Variants in WDR38 observed in about 807,000 individuals in gnomAD.
WDR38 encodes the protein WD repeat domain 38.
A neutral mutation model predicts 36.6 loss-of-function variants in WDR38; 37 were observed. The ratio of observed to expected loss-of-function variants is 1.01; its 90% CI spans 0.78 to 1.33. The LOEUF (loss-of-function observed/expected upper bound fraction) is 1.33. Ranked by LOEUF, WDR38 falls within the 40% of genes most tolerant of loss-of-function variation. WDR38 has a pLI of 0.00. For synonymous variants in WDR38, 164 were observed against 168.1 expected (o/e 0.98, Z 0.19); for missense variants, 411 against 414.6 (o/e 0.99, Z 0.07).
At position 124,853,498 on chromosome 9, in the gene WDR38, G is replaced by A. The variant is rs1016618551; in HGVS notation, c.-34G>A. On this transcript the variant is annotated 5_prime_UTR_variant, in exon 1 of 9. Coordinates refer to ENST00000373574, the MANE Select transcript of WDR38 (RefSeq NM_001045476.3). ...CTGGGGTCCCGCGGCCGCCTAGGAG[G>A]GAGCCCGCCGGGGCGGGGCGGGGCC... 4.9e-6 allele frequency: 6 copies of A among 1,236,890 alleles called. No individual in the cohort carries two copies. The highest frequency in any genetic ancestry group is 6.1e-6 in the Non-Finnish European group (6 of 982,132). 76.6% of individuals were successfully genotyped at this position (1,236,890 alleles called of 1,614,324 possible). A position where few individuals can be genotyped will look rare whatever the true frequency, so the allele number is the denominator to read the frequency against.
chr9:124,855,905 A>G lies in WDR38; in HGVS notation c.352A>G (p.Arg118Gly). ...GACGGTCAGCTTCAGCCCTGACTCG[A>G]GACAGCTGGCATCAGGTGGCTGGGA... is the stretch of plus-strand genomic sequence containing the variant. ...VETVSFSPDSRQLASGGWDKR... is the reference protein window; with the variant it reads ...VETVSFSPDSGQLASGGWDKR... The change falls in exon 4 of 9, where the codon AGA becomes GGA. Residue 118 changes from arginine to glycine, a missense_variant. Arg to Gly is a moderately radical substitution (Grantham distance 125, BLOSUM62 -2). Coordinates refer to ENST00000373574, the MANE Select transcript of WDR38 (RefSeq NM_001045476.3). 1 of 1,614,080 alleles carries G rather than the reference A, an allele frequency of 6.2e-7. No individual in the cohort carries two copies. Among genetic ancestry groups the G allele is most frequent in the African/African-American group, 1.3e-5 (1 of 75,048 alleles).
rs202118638 is a variant in WDR38, at chr9:124,856,274, G to A, written c.440G>A (p.Arg147His). The change falls in exon 5 of 9, where the codon CGT becomes CAT. Residue 147 changes from arginine to histidine, a missense_variant. By Grantham distance (29) the Arg-to-His change is conservative (BLOSUM62 0). Transcript: ENST00000373574. ...ATGCTGCGCCTCTTAGTTGGGCACCGTGACTCCATCCAGAGCAGCGACTTC... is the reference window on the plus strand; with the variant it reads ...ATGCTGCGCCTCTTAGTTGGGCACCATGACTCCATCCAGAGCAGCGACTTC... ...GQMLRLLVGH[R>H]DSIQSSDFSP... is the part of the protein sequence containing the mutation. The A allele has an allele frequency of 8.1e-5, 131 of 1,614,192 alleles. No homozygotes were observed. Among genetic ancestry groups the A allele is most frequent in the East Asian group, 6.0e-4 (27 of 44,888 alleles).
In WDR38 at chr9:124,856,492, C is replaced by T. The variant is rs571975421; in HGVS notation, c.510C>T (p.Thr170=). 90 of 1,612,082 alleles carry T rather than the reference C, an allele frequency of 5.6e-5. No individual in the cohort carries two copies. In the South Asian group the frequency reaches 7.8e-4, roughly 14 times the overall value. The change falls in exon 6 of 9, where the codon ACC becomes ACT. Residue 170 remains threonine, a synonymous_variant. Coordinates refer to ENST00000373574, the MANE Select transcript of WDR38 (RefSeq NM_001045476.3). ...AGGCCACCGGCTCCTGGGACTCCAC[C>T]GTACACATCTGGGACCTGCGGATGG... ...NCLATGSWDS[T]VHIWDLRMVT...
Position 124,856,459 on chromosome 9 carries a change from C to T in WDR38, c.487-10C>T. On this transcript the variant is annotated splice_polypyrimidine_tract_variant and intron_variant, in intron 5 of 8. Coordinates refer to ENST00000373574, the MANE Select transcript of WDR38 (RefSeq NM_001045476.3). Reference sequence around the variant, plus strand: ...GCTGGCTGGGCCAGACTCACAGAAGCTGCCTGCAGGCCACCGGCTCCTGGG... The same window carrying T: ...GCTGGCTGGGCCAGACTCACAGAAGTTGCCTGCAGGCCACCGGCTCCTGGG... 1 of 1,612,260 alleles carries T rather than the reference C, an allele frequency of 6.2e-7. No individual in the cohort carries two copies. Among genetic ancestry groups the T allele is most frequent in the Non-Finnish European group, 8.5e-7 (1 of 1,179,302 alleles).
intron 2 of WDR38, 92 bp downstream of exon 2, chr9:124,854,417 G>A (rs532064158): frequency 1.4e-5 from 22 of 1,582,158 alleles, no homozygotes; most frequent in African/African-American, 9.4e-5. Context: ...AGCTGGGCAC[G>A]GGTGCAAGGC....
At chr9:124,857,135 C>T (rs1361219683) in intron 7 of WDR38, among the ~76,000 whole-genome samples, 7 of 152,222 alleles carry the variant, frequency 4.6e-5, no homozygotes, top group Non-Finnish European at 7.3e-5. Context: ...ATTTCAAATA[C>T]AGCCTCCAAA....
Position 124,855,187 on chromosome 9 carries a change from C to T in WDR38, c.191-447C>T, listed in dbSNP as rs148165308. On this transcript the variant is annotated intron_variant, in intron 2 of 8. Coordinates refer to ENST00000373574, the MANE Select transcript of WDR38 (RefSeq NM_001045476.3). ...TGTGATCTTGGTCAAGTCCTGTCAC[C>T]TCGCTGAGCCATTTCCACTGGCACG... 6.4e-4 allele frequency among the ~76,000 whole-genome samples: 98 copies of T among 152,300 alleles called. No individual in the cohort carries two copies. In the East Asian group the frequency reaches 0.019, roughly 29 times the overall value.
chr9:124,857,872 A>T lies in WDR38; in HGVS notation c.*242A>T, dbSNP rs777820931. The T allele has an allele frequency of 3.1e-6, 5 of 1,602,816 alleles. No individual in the cohort carries two copies. Among genetic ancestry groups the T allele is most frequent in the Non-Finnish European group, 3.4e-6 (4 of 1,173,004 alleles). ...CCACCCAATCAGTGGAAGTGCCAGG[A>T]AACAAAGCAGTCTCAGCCAGCTGTG... On this transcript the variant is annotated 3_prime_UTR_variant, in exon 9 of 9. Coordinates refer to ENST00000373574, the MANE Select transcript of WDR38 (RefSeq NM_001045476.3).
rs1564304810 is a variant in WDR38 at position 124,855,695 on chromosome 9, C to T, written c.252C>T (p.Asp84=). The T allele has an allele frequency of 1.2e-6, 2 of 1,613,272 alleles. No individual in the cohort carries two copies. The highest frequency in any genetic ancestry group is 1.7e-6 in the Non-Finnish European group (2 of 1,180,050). Residue 84 remains aspartate (D), a synonymous_variant, in exon 3 of 9, where the codon GAC becomes GAT. Coordinates refer to ENST00000373574, the MANE Select transcript of WDR38 (RefSeq NM_001045476.3). ...ACCTCTTCGCCAGCGCCTCCTGTGA[C>T]TGCACTGTCCGCCTGTGGGATGTGG... ...DGHLFASASC[D]CTVRLWDVAR...
intron 4 of WDR38, 43 bp from the exon 5 acceptor site, chr9:124,856,197 C>T (rs191174078): frequency 2.2e-5 from 36 of 1,612,846 alleles, no homozygotes; most frequent in East Asian, 6.7e-5. Context: ...GCCAGGTAGC[C>T]GGCTGCCCTC....
chr9:124,854,338 C>T lies in WDR38; in HGVS notation c.190+13C>T. 6.2e-7 allele frequency: 1 copy of T among 1,613,170 alleles called. No homozygotes were observed. Among genetic ancestry groups the T allele is most frequent in the Non-Finnish European group, 8.5e-7 (1 of 1,179,858 alleles). On this transcript the variant is annotated intron_variant, in intron 2 of 8. Coordinates refer to ENST00000373574, the MANE Select transcript of WDR38 (RefSeq NM_001045476.3). ...GGTGGCCACACAGGTGGGGCTCCCACACCTGGCCGGGAAGACCGAGGCACA... is the reference window on the plus strand; with the variant it reads ...GGTGGCCACACAGGTGGGGCTCCCATACCTGGCCGGGAAGACCGAGGCACA...
chr9:124,855,784 C>A, intron 3 of WDR38, 34 bp downstream of exon 3: 1 of 1,613,180 alleles, frequency 6.2e-7, no homozygotes. Context: ...GCCAGGCCAG[C>A]GTTCCCTTTC....
chr9:124,855,605 C>T (rs1276943329), intron 2 of WDR38, 29 bp from the exon 3 acceptor site: 1 of 1,595,758 alleles, frequency 6.3e-7, no homozygotes, highest in Non-Finnish European at 8.5e-7. Flanking sequence ...GGGCAGTGCT[C>T]TGTCCCCTGA....
rs1828964090 is a variant in WDR38, at chr9:124,853,595, G to T, written c.64G>T (p.Gly22Trp). The T allele has an allele frequency of 7.9e-7, 1 of 1,271,616 alleles. No homozygotes were observed. Among genetic ancestry groups the T allele is most frequent in the Non-Finnish European group, 1.0e-6 (1 of 1,001,362 alleles). 78.8% of individuals were successfully genotyped at this position (1,271,616 alleles called of 1,614,324 possible). A position where few individuals can be genotyped will look rare whatever the true frequency, so the allele number is the denominator to read the frequency against. ...RRVKFFGQHG[G>W]EVNSSAFSPD... The stretch of plus-strand genomic sequence containing the variant: ...AGTGAAATTCTTCGGCCAGCACGGC[G>T]GGGAGGTGAGGTCCAGCGGGCTCTG... Residue 22 changes from glycine to tryptophan, a missense_variant, in exon 1 of 9, where the codon GGG (glycine) becomes TGG (tryptophan). Physicochemically the swap from Gly to Trp is radical, Grantham distance 184. Coordinates refer to ENST00000373574, the MANE Select transcript of WDR38 (RefSeq NM_001045476.3).
intron 6 of WDR38, 62 bp from the exon 7 acceptor site, chr9:124,856,670 C>T (rs1179110928): frequency 6.2e-7 from 1 of 1,612,936 alleles, no homozygotes; most frequent in Non-Finnish European, 8.5e-7. Context: ...TCCCAGGCCA[C>T]TTAGGGGCCC....
At chr9:124,857,468 A>G (rs994861707) in intron 8 of WDR38, 34 bp from the exon 9 acceptor site, 2 of 1,614,120 alleles carry the variant, frequency 1.2e-6, no homozygotes, top group Non-Finnish European at 8.5e-7. Context: ...CCAAGGCAGG[A>G]CTTGCCTCGA....
chr9:124,857,313 A>C, intron 7 of WDR38, 51 bp from the exon 8 acceptor site: 2 of 1,610,358 alleles, frequency 1.2e-6, no homozygotes, highest in Non-Finnish European at 1.7e-6. Context: ...GTGGCTTCAG[A>C]TGCCACAGTG....
In WDR38 at chr9:124,854,303, G is replaced by A. The variant is rs771542500; in HGVS notation, c.168G>A (p.Leu56=). The change falls in exon 2 of 9, where the codon CTG becomes CTA. Residue 56 remains leucine (L), a synonymous_variant. Transcript: ENST00000373574. The part of the protein sequence containing the change: ...YGWETRSGQL[L]WRLGGHTGPV... The stretch of plus-strand genomic sequence containing the variant: ...GGGAGACCCGGAGTGGGCAGCTGCT[G>A]TGGAGGCTGGGTGGCCACACAGGTG... 5 of 1,614,000 alleles carry A rather than the reference G, an allele frequency of 3.1e-6. No individual in the cohort carries two copies. The South Asian group carries it at 4.4e-5, about 14-fold the overall frequency.
Position 124,855,208 on chromosome 9 carries a change from GCACGA to G in WDR38, c.191-425_191-421del, listed in dbSNP as rs567329574. ...TCACCTCGCTGAGCCATTTCCACTG[GCACGA>G]TGCAAGCAAAGTACCTAGCACACAG... On this transcript the variant is annotated intron_variant, in intron 2 of 8. Coordinates refer to ENST00000373574, the MANE Select transcript of WDR38 (RefSeq NM_001045476.3). Among the ~76,000 whole-genome samples, 85 of 152,238 alleles carry G rather than the reference GCACGA, an allele frequency of 5.6e-4. 2 individuals carry two copies. The highest frequency in any genetic ancestry group is 5.0e-3 in the Admixed American group (76 of 15,296).
Sources: allele counts gnomAD v4.1 joint callset (sites outside exome capture counted in the v4.1 genomes callset), GRCh38; gene constraint gnomAD v4.1.1; transcripts MANE v1.5; gene names NCBI Gene and HGNC (gene_info 2026-07-23, HGNC 2026-07-21).